Variants in BMPER observed in about 807,000 individuals in gnomAD.
The protein encoded by BMPER is BMP-binding endothelial regulator protein.
In BMPER, 45 loss-of-function variants were observed where a neutral mutation model predicts 87.3. The observed-to-expected ratio is 0.52, with a 90% CI of 0.41 to 0.66. The LOEUF is 0.66. Among genes scored for constraint, BMPER ranks in the 30% least tolerant of loss-of-function variants. BMPER has a pLI of 0.00. For synonymous variants in BMPER, 326 were observed against 316.2 expected, an observed-to-expected ratio of 1.03 and a Z score of -0.33; for missense variants, 784 against 867.5, an observed-to-expected ratio of 0.90 and a Z score of 1.21.
intron 13 of BMPER, among the ~76,000 whole-genome samples, chr7:34,134,180 G>A (rs948645438): frequency 6.6e-6 from 1 of 152,146 alleles, no homozygotes; most frequent in Non-Finnish European, 1.5e-5. Flanking sequence ...TAGTTCACCA[G>A]CCTTACAATT....
intron 6 of BMPER, among the ~76,000 whole-genome samples, chr7:34,031,405 T>C (rs1410216993): frequency 6.6e-6 from 1 of 152,108 alleles, no homozygotes; most frequent in Admixed American, 6.6e-5. Context: ...GTTGAACTTA[T>C]ATAAATATAT....
At chr7:33,970,670 C>T (rs988174647) in intron 5 of BMPER, among the ~76,000 whole-genome samples, 2 of 152,138 alleles carry the variant, frequency 1.3e-5, no homozygotes, top group African/African-American at 4.8e-5. Context: ...TCCACAGGGC[C>T]ACAGGTAATG....
At chr7:34,072,824 G>T (rs942598597) in intron 11 of BMPER, among the ~76,000 whole-genome samples, 4 of 152,172 alleles carry the variant, frequency 2.6e-5, no homozygotes, top group East Asian at 1.9e-4. Context: ...TTAGCTTTTT[G>T]ATTTTAACAA....
At position 34,025,754 on chromosome 7, in the gene BMPER, C is replaced by A. The variant is rs562787290; in HGVS notation, c.577-20552C>A. Among the ~76,000 whole-genome samples, 22 of 152,072 alleles carry A rather than the reference C, an allele frequency of 1.4e-4. No individual in the cohort carries two copies. In the South Asian group the frequency reaches 4.6e-3, roughly 32 times the overall value. ...GGTCTCAGGCATGTTTGCTTATGAA[C>A]CAGATTTGTGGAATAGCAGGGGAGC... On this transcript the variant is annotated intron_variant, in intron 6 of 14. Coordinates refer to ENST00000649409, the MANE Select transcript of BMPER (RefSeq NM_001365308.1).
chr7:34,060,022 A>G (rs997695993), intron 10 of BMPER, among the ~76,000 whole-genome samples: 5 of 152,100 alleles, frequency 3.3e-5, no homozygotes, highest in Admixed American at 6.5e-5. Context: ...GAGATTTTAT[A>G]GTGACAACAC....
intron 13 of BMPER, among the ~76,000 whole-genome samples, chr7:34,134,866 C>T (rs1318213706): frequency 6.6e-6 from 1 of 152,120 alleles, no homozygotes; most frequent in Non-Finnish European, 1.5e-5. Context: ...GTATGTGGAG[C>T]TTCTTCCAAA....
Position 34,153,453 on chromosome 7 carries a change from G to A in BMPER, c.*180G>A, listed in dbSNP as rs1791236670. On this transcript the variant is annotated 3_prime_UTR_variant, in exon 15 of 15. Transcript: ENST00000649409. Reference sequence around the variant, plus strand: ...TGCATCATTTATATGAACTATAGGGGGATTATTATATGTATATTTTTTGCT... The same window carrying A: ...TGCATCATTTATATGAACTATAGGGAGATTATTATATGTATATTTTTTGCT... 1.6e-6 allele frequency: 1 copy of A among 643,916 alleles called. No homozygotes were observed. The highest frequency in any genetic ancestry group is 2.6e-6 in the Non-Finnish European group (1 of 384,168). The allele number at this position is 643,916 out of a possible 1,614,324, so 39.9% of individuals were successfully genotyped here.
intron 6 of BMPER, 81 bp from the exon 7 acceptor site, chr7:34,046,225 G>T: frequency 2.2e-6 from 3 of 1,354,212 alleles, no homozygotes; most frequent in Non-Finnish European, 3.2e-6. Context: ...AAGGGCCTTA[G>T]GTTTGTTCTA....
rs554437160 is a variant in BMPER, at chr7:34,124,380, C to A, written c.1746-18850C>A. ...ATAAAAATAAAGTCTGTTACCTTAG[C>A]CCAGAAAATATCTCTCCATTTACAC... On this transcript the variant is annotated intron_variant, in intron 13 of 14. Transcript: ENST00000649409. Among the ~76,000 whole-genome samples, 43 of 151,742 alleles carry A rather than the reference C, an allele frequency of 2.8e-4. 2 individuals carry two copies. In the South Asian group the frequency reaches 8.7e-3, roughly 31 times the overall value.
intron 14 of BMPER, among the ~76,000 whole-genome samples, chr7:34,147,860 T>C (rs1471821194): frequency 1.3e-5 from 2 of 152,106 alleles, no homozygotes; most frequent in African/African-American, 2.4e-5. Context: ...AATGATCTTA[T>C]GTCTTTTACA....
chr7:33,916,580 G>T (rs1259872659), intron 2 of BMPER, among the ~76,000 whole-genome samples: 1 of 152,208 alleles, frequency 6.6e-6, no homozygotes, highest in Non-Finnish European at 1.5e-5. Context: ...GGACATGTGG[G>T]CCCTGCACAT....
At chr7:34,087,769 C>T (rs1423341471) in intron 13 of BMPER, among the ~76,000 whole-genome samples, 1 of 152,182 alleles carries the variant, frequency 6.6e-6, no homozygotes, top group African/African-American at 2.4e-5. Flanking sequence ...AAAGGCTGTG[C>T]TTCTCCCAGG....
At chr7:33,922,994 T>C (rs1284732754) in intron 2 of BMPER, among the ~76,000 whole-genome samples, 1 of 152,208 alleles carries the variant, frequency 6.6e-6, no homozygotes, top group African/African-American at 2.4e-5. Context: ...TCCATTGACC[T>C]CTGTCTCTTA....
At chr7:33,905,531 C>T (rs1411684864), upstream of BMPER, 10 of 1,545,476 alleles carry the variant, frequency 6.5e-6, no homozygotes, top group Admixed American at 1.8e-5. Context: ...CGGCTGAGAG[C>T]CCTTTTCGAC....
chr7:33,941,055 T>TA (rs1481843532), intron 3 of BMPER, among the ~76,000 whole-genome samples: 72 of 135,466 alleles, frequency 5.3e-4, no homozygotes, highest in Non-Finnish European at 6.8e-4. Flanking sequence ...AATTTATATG[T>TA]AATATATTAC....
At position 33,938,919 on chromosome 7, in the gene BMPER, G is replaced by C. The variant is rs1176336708; in HGVS notation, c.319+1531G>C. Among the ~76,000 whole-genome samples the C allele has an allele frequency of 2.0e-5, 3 of 152,302 alleles. No individual in the cohort carries two copies. In the East Asian group the frequency reaches 5.8e-4, roughly 29 times the overall value. On this transcript the variant is annotated intron_variant, in intron 3 of 14. Transcript: ENST00000649409. ...TGGGTGCCTGTATTCCCAGTACTGG[G>C]GAGGCTGAAGCAGGAGAATCACTTG...
intron 13 of BMPER, among the ~76,000 whole-genome samples, chr7:34,086,835 TC>T (rs1789224804): frequency 6.6e-6 from 1 of 152,174 alleles, no homozygotes; most frequent in African/African-American, 2.4e-5. Context: ...TGGGTGTACT[TC>T]CATTTACTAC....
At chr7:33,923,116 C>A (rs1784276271) in intron 2 of BMPER, among the ~76,000 whole-genome samples, 1 of 152,136 alleles carries the variant, frequency 6.6e-6, no homozygotes, top group Non-Finnish European at 1.5e-5. Flanking sequence ...ATCCTAGTTA[C>A]CCTGCTGTAG....
At chr7:34,061,930 A>G in intron 10 of BMPER, 72 bp from the exon 11 acceptor site, 1 of 1,266,140 alleles carries the variant, frequency 7.9e-7, no homozygotes, top group South Asian at 1.3e-5. Context: ...TTAAAAAGAT[A>G]TTTGTCCTCA....
Sources: gnomAD v4.1 joint callset for allele counts (sites outside exome capture counted in the v4.1 genomes callset) on GRCh38, gnomAD v4.1.1 for gene constraint, MANE v1.5 for transcripts, NCBI Gene and HGNC (gene_info 2026-07-23, HGNC 2026-07-21) for gene names.